CTNNA3: variants seen among roughly 807,000 people sequenced by gnomAD.
The protein encoded by CTNNA3 is catenin alpha-3.
A neutral mutation model predicts 95.7 loss-of-function variants in CTNNA3; 76 were observed. That is an observed-to-expected ratio of 0.79 (90% CI 0.66 to 0.96). The LOEUF is 0.96. Ranked by LOEUF, CTNNA3 falls within the 40% of genes least tolerant of loss-of-function variation. The pLI, the probability that CTNNA3 is intolerant of heterozygous loss-of-function variation, is 0.00. For synonymous variants in CTNNA3, 431 were observed against 374.4 expected, an observed-to-expected ratio of 1.15 and a Z score of -1.74; for missense variants, 1,191 against 1,089.8, an observed-to-expected ratio of 1.09 and a Z score of -1.31.
At chr10:66,625,677 T>C (rs1181924640) in intron 9 of CTNNA3, among the ~76,000 whole-genome samples, 1 of 152,188 alleles carries the variant, frequency 6.6e-6, no homozygotes, top group Non-Finnish European at 1.5e-5. Context: ...CCATGTGCCA[T>C]GGCACTGACC....
chr10:66,896,290 T>C (rs1017231755), intron 7 of CTNNA3, among the ~76,000 whole-genome samples: 2 of 152,146 alleles, frequency 1.3e-5, no homozygotes, highest in African/African-American at 2.4e-5. Flanking sequence ...TAAATAGCTA[T>C]AACTCTGTTA....
intron 12 of CTNNA3, among the ~76,000 whole-genome samples, chr10:66,292,865 C>G (rs1482613373): frequency 1.3e-5 from 2 of 152,264 alleles, no homozygotes; most frequent in East Asian, 3.9e-4. Context: ...AATCTACCTA[C>G]TTCTTTCTCC....
intron 14 of CTNNA3, among the ~76,000 whole-genome samples, chr10:66,071,750 A>G (rs144506910): frequency 3.1e-4 from 47 of 152,300 alleles, no homozygotes; most frequent in African/African-American, 9.9e-4. Flanking sequence ...TGTTTTGGAC[A>G]TCAAATGATA....
chr10:66,028,434 T>C (rs368876231), intron 15 of CTNNA3, among the ~76,000 whole-genome samples: 7 of 152,302 alleles, frequency 4.6e-5, no homozygotes, highest in East Asian at 1.9e-4. Flanking sequence ...GATGAGTTCA[T>C]GTCCTTTGTA....
chr10:66,403,431 G>T (rs943137532), intron 11 of CTNNA3, among the ~76,000 whole-genome samples: 1 of 152,188 alleles, frequency 6.6e-6, no homozygotes, highest in African/African-American at 2.4e-5. Flanking sequence ...ATGGCGGAAG[G>T]TGAAGGAGAA....
chr10:66,252,359 A>C (rs1253312867), intron 13 of CTNNA3, among the ~76,000 whole-genome samples: 1 of 152,180 alleles, frequency 6.6e-6, no homozygotes, highest in Non-Finnish European at 1.5e-5. Context: ...ATTACTTTTA[A>C]TCAACATTTT....
chr10:66,043,624 G>A (rs1027878958), intron 15 of CTNNA3, among the ~76,000 whole-genome samples: 2 of 152,140 alleles, frequency 1.3e-5, no homozygotes, highest in African/African-American at 4.8e-5. Context: ...AGCACCATGG[G>A]CAAATGTCCT....
intron 5 of CTNNA3, among the ~76,000 whole-genome samples, chr10:67,452,420 C>T (rs1255165805): frequency 6.6e-6 from 1 of 152,130 alleles, no homozygotes; most frequent in Non-Finnish European, 1.5e-5. Context: ...TGGTACCTAA[C>T]ATCTAATTTA....
At chr10:67,492,162 G>C (rs1241245807) in intron 5 of CTNNA3, among the ~76,000 whole-genome samples, 2 of 151,724 alleles carry the variant, frequency 1.3e-5, no homozygotes, top group Non-Finnish European at 2.9e-5. Context: ...AGAAAAGGAA[G>C]AGCAAGTTAT....
chr10:66,716,203 T>C (rs1479708562), intron 9 of CTNNA3, among the ~76,000 whole-genome samples: 1 of 152,094 alleles, frequency 6.6e-6, no homozygotes, highest in East Asian at 1.9e-4. Context: ...TGTACAAATG[T>C]TATGCTAATT....
In CTNNA3 at chr10:67,220,878, T is replaced by C. The variant is rs189358533; in HGVS notation, c.580-1008A>G. Among the ~76,000 whole-genome samples the C allele has an allele frequency of 8.1e-4, 124 of 152,250 alleles. 1 individual carries two copies. The highest frequency in any genetic ancestry group is 2.9e-3 in the African/African-American group (120 of 41,548). On this transcript the variant is annotated intron_variant, in intron 5 of 17. Transcript: ENST00000433211. Reference sequence around the variant, plus strand: ...ATACTGTGACAGGAAAAGTATGCCATTTCTGTGGTATTCCCTCCAGGAACC... The same window carrying C: ...ATACTGTGACAGGAAAAGTATGCCACTTCTGTGGTATTCCCTCCAGGAACC...
chr10:66,521,001 A>T (rs1261604926), intron 10 of CTNNA3, among the ~76,000 whole-genome samples: 2 of 151,426 alleles, frequency 1.3e-5, no homozygotes, highest in African/African-American at 2.4e-5. Flanking sequence ...ATTTAAAAAA[A>T]TCTGTAAAGA....
rs34671813 is a variant in CTNNA3 at position 66,021,852 on chromosome 10, C to CTTTTTTTTTTTTT, written c.2160-33068_2160-33056dup. Among the ~76,000 whole-genome samples, 72 of 75,924 alleles carry CTTTTTTTTTTTTT rather than the reference C, an allele frequency of 9.5e-4. 15 individuals are homozygous for CTTTTTTTTTTTTT. Among genetic ancestry groups the CTTTTTTTTTTTTT allele is most frequent in the East Asian group, 3.1e-3 (5 of 1,588 alleles). The allele number at this position is 75,924 out of a possible 152,430, so 49.8% of individuals were successfully genotyped here. The stretch of plus-strand genomic sequence containing the variant: ...GGAAATTCCATATACAGGATCTTGG[C>CTTTTTTTTTTTTT]TTTTTTTTTTTTTTTTAGATAGATA... On this transcript the variant is annotated intron_variant, in intron 15 of 17. Transcript: ENST00000433211.
rs189861109 is a variant in CTNNA3 at position 66,470,286 on chromosome 10, C to T, written c.1531+50331G>A. Reference sequence around the variant, plus strand: ...CCATCTGTCAAACATGAAAGGGGAACGCACGAACAGGAAGTTTGAAGACTG... The same window carrying T: ...CCATCTGTCAAACATGAAAGGGGAATGCACGAACAGGAAGTTTGAAGACTG... On this transcript the variant is annotated intron_variant, in intron 11 of 17. Transcript: ENST00000433211. Among the ~76,000 whole-genome samples, 364 of 151,746 alleles carry T rather than the reference C, an allele frequency of 2.4e-3. 4 individuals carry two copies. The highest frequency in any genetic ancestry group is 9.7e-4 in the East Asian group (5 of 5,160).
Position 66,552,338 on chromosome 10 carries a change from T to A in CTNNA3, c.1375-31565A>T, listed in dbSNP as rs114407761. Among the ~76,000 whole-genome samples the A allele has an allele frequency of 4.9e-3, 740 of 152,244 alleles. 7 individuals carry two copies. The highest frequency in any genetic ancestry group is 0.017 in the African/African-American group (701 of 41,538). On this transcript the variant is annotated intron_variant, in intron 10 of 17. Coordinates refer to ENST00000433211, the MANE Select transcript of CTNNA3 (RefSeq NM_013266.4). ...ATTGGAGTTTTAGCCAAAGAGACCA[T>A]TACCACCATCTATATGATGCTTTAC...
At chr10:66,808,082 C>A (rs1841727867) in intron 7 of CTNNA3, among the ~76,000 whole-genome samples, 2 of 151,960 alleles carry the variant, frequency 1.3e-5, no homozygotes, top group Non-Finnish European at 2.9e-5. Context: ...AAATGAAGCG[C>A]TTAAACTGAG....
chr10:66,064,587 C>T (rs1034666140), intron 15 of CTNNA3, among the ~76,000 whole-genome samples: 1 of 152,154 alleles, frequency 6.6e-6, no homozygotes, highest in African/African-American at 2.4e-5. Context: ...GTTGATGCTC[C>T]ATCAAGCTGG....
intron 5 of CTNNA3, among the ~76,000 whole-genome samples, chr10:67,244,557 T>A (rs1264234625): frequency 1.3e-5 from 2 of 152,136 alleles, no homozygotes; most frequent in African/African-American, 2.4e-5. Flanking sequence ...TGTGAGAAAA[T>A]AGAAATACCA....
At chr10:67,465,376 C>A (rs1847551856) in intron 5 of CTNNA3, among the ~76,000 whole-genome samples, 2 of 151,788 alleles carry the variant, frequency 1.3e-5, no homozygotes, top group Non-Finnish European at 2.9e-5. Flanking sequence ...CCAAGTATTT[C>A]ACAATAAGAG....
Sources: gnomAD v4.1 joint callset for allele counts (sites outside exome capture counted in the v4.1 genomes callset) on GRCh38, gnomAD v4.1.1 for gene constraint, MANE v1.5 for transcripts, NCBI Gene and HGNC (gene_info 2026-07-23, HGNC 2026-07-21) for gene names.